ROBO1: variants seen among roughly 807,000 people sequenced by gnomAD.
The protein encoded by ROBO1 is roundabout guidance receptor 1.
Under a neutral mutation model 195.9 loss-of-function variants are expected in ROBO1, and 149 were observed. The ratio of observed to expected loss-of-function variants is 0.76; its 90% confidence interval spans 0.67 to 0.87. The LOEUF is 0.87. Ranked by LOEUF, ROBO1 falls within the 40% of genes least tolerant of loss-of-function variation. The pLI, the probability that ROBO1 is intolerant of heterozygous loss-of-function variation, is 0.00. For synonymous variants in ROBO1, 816 were observed against 733.2 expected (o/e 1.11, Z -1.82); for missense variants, 1,933 against 2,068.3 (o/e 0.93, Z 1.27).
chr3:79,320,203 A>G (rs543292116), intron 2 of ROBO1, among the ~76,000 whole-genome samples: 3 of 152,204 alleles, frequency 2.0e-5, no homozygotes, highest in Non-Finnish European at 4.4e-5. Flanking sequence ...GAAGACTGTC[A>G]GTCTCTCATT....
At chr3:78,866,955 G>T (rs566248570) in intron 4 of ROBO1, among the ~76,000 whole-genome samples, 2 of 152,232 alleles carry the variant, frequency 1.3e-5, no homozygotes, top group South Asian at 4.2e-4. Context: ...ATCCATTTGT[G>T]CTTCAGTTAC....
chr3:79,514,235 A>C (rs1327577288), intron 2 of ROBO1, among the ~76,000 whole-genome samples: 1 of 152,204 alleles, frequency 6.6e-6, no homozygotes, highest in Non-Finnish European at 1.5e-5. Flanking sequence ...GGGGAAGATT[A>C]CAGAGCTTAA....
chr3:78,805,482 T>C (rs1269412998), intron 4 of ROBO1, among the ~76,000 whole-genome samples: 2 of 152,094 alleles, frequency 1.3e-5, no homozygotes, highest in Non-Finnish European at 2.9e-5. Context: ...GTGATGACTT[T>C]TACTAAACAA....
chr3:79,461,981 ATTAAG>A (rs1363477922), intron 2 of ROBO1, among the ~76,000 whole-genome samples: 3 of 151,982 alleles, frequency 2.0e-5, no homozygotes, highest in Admixed American at 6.5e-5. Context: ...TCATTTATAT[ATTAAG>A]TTAATATTGG....
chr3:78,650,374 A>G (rs994191433), intron 19 of ROBO1, among the ~76,000 whole-genome samples: 15 of 152,182 alleles, frequency 9.9e-5, no homozygotes, highest in Non-Finnish European at 1.6e-4. Flanking sequence ...ATAATGCTAA[A>G]GCAAATGCAT....
At chr3:79,518,080 T>C (rs1331774302) in intron 2 of ROBO1, among the ~76,000 whole-genome samples, 2 of 152,172 alleles carry the variant, frequency 1.3e-5, no homozygotes, top group Non-Finnish European at 2.9e-5. Context: ...CTAATTTACC[T>C]ACAATGATTA....
chr3:79,262,478 T>TAGAG (rs1265062107), intron 2 of ROBO1, among the ~76,000 whole-genome samples: 1 of 152,224 alleles, frequency 6.6e-6, no homozygotes, highest in Non-Finnish European at 1.5e-5. Context: ...ACTTTTGTTG[T>TAGAG]TTTAAGACTT....
intron 4 of ROBO1, among the ~76,000 whole-genome samples, chr3:78,869,023 T>C (rs550923644): frequency 9.8e-5 from 15 of 152,312 alleles, no homozygotes; most frequent in African/African-American, 3.6e-4. Context: ...AGTTATGTAG[T>C]TACTTCTGCT....
chr3:79,015,133 C>T (rs1030190897), intron 3 of ROBO1, among the ~76,000 whole-genome samples: 1 of 152,074 alleles, frequency 6.6e-6, no homozygotes, highest in South Asian at 2.1e-4. Flanking sequence ...ATGTCTTATG[C>T]ATTATAATGC....
At chr3:79,569,493 C>T (rs1943201031) in intron 2 of ROBO1, among the ~76,000 whole-genome samples, 1 of 151,996 alleles carries the variant, frequency 6.6e-6, no homozygotes, top group South Asian at 2.1e-4. Flanking sequence ...TTTGAATATA[C>T]AAGTTTCAAT....
intron 2 of ROBO1, among the ~76,000 whole-genome samples, chr3:79,172,655 A>ATT (rs531374334): frequency 4.1e-5 from 6 of 146,944 alleles, no homozygotes; most frequent in African/African-American, 1.5e-4. Flanking sequence ...ATTATTTTCA[A>ATT]TTTTTTTTTT....
At chr3:79,335,227 A>G (rs2034616002) in intron 2 of ROBO1, among the ~76,000 whole-genome samples, 1 of 152,238 alleles carries the variant, frequency 6.6e-6, no homozygotes, top group South Asian at 2.1e-4. Flanking sequence ...TACTACATAT[A>G]TTATTTTTTA....
chr3:78,597,414 A>AAAT lies in ROBO1; in HGVS notation c.*1496_*1498dup, dbSNP rs1325515324. ...CACGCCTTTTCTATGGAACTTTTTCAAATTATCTAAATGAACAAGTTTGGT... is the reference window on the plus strand; with the variant it reads ...CACGCCTTTTCTATGGAACTTTTTCAAATAATTATCTAAATGAACAAGTTTGGT... On this transcript the variant is annotated 3_prime_UTR_variant, in exon 31 of 31. Coordinates refer to ENST00000464233, the MANE Select transcript of ROBO1 (RefSeq NM_002941.4). 6.6e-6 allele frequency: 1 copy of AAAT among 152,574 alleles called. No homozygotes were observed. Among genetic ancestry groups the AAAT allele is most frequent in the Non-Finnish European group, 1.5e-5 (1 of 68,004 alleles). 9.5% of individuals were successfully genotyped at this position (152,574 alleles called of 1,614,324 possible). A position where few individuals can be genotyped will look rare whatever the true frequency, so the allele number is the denominator to read the frequency against.
At chr3:79,365,788 T>C (rs565814796) in intron 2 of ROBO1, among the ~76,000 whole-genome samples, 2 of 151,298 alleles carry the variant, frequency 1.3e-5, no homozygotes, top group South Asian at 4.2e-4. Flanking sequence ...TCCCAGCTAC[T>C]CGGGAGGCTG....
chr3:78,932,447 C>T (rs1214776190), intron 4 of ROBO1, among the ~76,000 whole-genome samples: 2 of 152,250 alleles, frequency 1.3e-5, no homozygotes, highest in East Asian at 3.9e-4. Flanking sequence ...TAATAAAATA[C>T]GTCACCCTTA....
At chr3:79,492,162 C>T (rs1197549116) in intron 2 of ROBO1, among the ~76,000 whole-genome samples, 1 of 152,078 alleles carries the variant, frequency 6.6e-6, no homozygotes, top group Non-Finnish European at 1.5e-5. Flanking sequence ...CGGTGGCTCA[C>T]GCCTGTAATC....
intron 10 of ROBO1, among the ~76,000 whole-genome samples, chr3:78,672,215 C>T (rs945374040): frequency 4.0e-5 from 6 of 151,520 alleles, no homozygotes; most frequent in African/African-American, 1.5e-4. Flanking sequence ...ATATTATGTA[C>T]TGTAGTATCA....
intron 2 of ROBO1, among the ~76,000 whole-genome samples, chr3:79,331,893 A>T (rs923665687): frequency 6.6e-6 from 1 of 152,202 alleles, no homozygotes; most frequent in Non-Finnish European, 1.5e-5. Context: ...CTGTAATCCC[A>T]GCACTTTGGG....
chr3:79,558,666 G>T (rs1942799262), intron 2 of ROBO1, among the ~76,000 whole-genome samples: 2 of 151,992 alleles, frequency 1.3e-5, no homozygotes, highest in South Asian at 4.1e-4. Flanking sequence ...ACTACATTAG[G>T]TATATTAAAC....
Sources: gnomAD v4.1 joint callset for allele counts (sites outside exome capture counted in the v4.1 genomes callset) on GRCh38, gnomAD v4.1.1 for gene constraint, MANE v1.5 for transcripts, NCBI Gene and HGNC (gene_info 2026-07-23, HGNC 2026-07-21) for gene names.